Variants in CHST11 observed in about 807,000 individuals in gnomAD.
CHST11 encodes the protein carbohydrate sulfotransferase 11, also known as C4S-1.
Under a neutral mutation model 30.4 loss-of-function variants are expected in CHST11, and 9 were observed. The ratio of observed to expected loss-of-function variants is 0.30; its 90% CI spans 0.18 to 0.52. The LOEUF (loss-of-function observed/expected upper bound fraction) is 0.52. Among genes scored for constraint, CHST11 ranks in the 20% least tolerant of loss-of-function variants. The probability of loss-of-function intolerance (pLI) is 0.97; values close to 1 mark genes in which losing one functional copy is unlikely to be tolerated. For synonymous variants in CHST11, 152 were observed against 187.8 expected, an observed-to-expected ratio of 0.81 and a Z score of 1.56; for missense variants, 348 against 460.6, an observed-to-expected ratio of 0.76 and a Z score of 2.24.
At chr12:104,564,185 G>A (rs2038539648) in intron 1 of CHST11, among the ~76,000 whole-genome samples, 1 of 152,174 alleles carries the variant, frequency 6.6e-6, no homozygotes, top group Non-Finnish European at 1.5e-5. Flanking sequence ...TCTCCTCGGT[G>A]TGTCTTCATA....
At chr12:104,736,847 C>T (rs142680224) in intron 2 of CHST11, among the ~76,000 whole-genome samples, 1 of 152,142 alleles carries the variant, frequency 6.6e-6, no homozygotes, top group African/African-American at 2.4e-5. Context: ...TATAAACTGC[C>T]CTGAAAATCT....
At chr12:104,539,676 T>C (rs1397445047) in intron 1 of CHST11, among the ~76,000 whole-genome samples, 1 of 152,170 alleles carries the variant, frequency 6.6e-6, no homozygotes, top group East Asian at 1.9e-4. Context: ...GCATAATTCA[T>C]AGTAAAGCAT....
chr12:104,517,936 G>A (rs186550734), intron 1 of CHST11, among the ~76,000 whole-genome samples: 31 of 152,252 alleles, frequency 2.0e-4, no homozygotes, highest in Non-Finnish European at 3.1e-4. Context: ...ACTGAGGATC[G>A]TACTGGATAA....
chr12:104,535,618 G>A (rs1262044017), intron 1 of CHST11, among the ~76,000 whole-genome samples: 1 of 152,154 alleles, frequency 6.6e-6, no homozygotes, highest in Non-Finnish European at 1.5e-5. Context: ...CCATTGCCAG[G>A]GTGGCTCAGT....
intron 1 of CHST11, among the ~76,000 whole-genome samples, chr12:104,570,939 CCT>C (rs1383350177): frequency 2.6e-5 from 4 of 152,178 alleles, no homozygotes; most frequent in Non-Finnish European, 5.9e-5. Flanking sequence ...GATCCACCCA[CCT>C]TGGCCTCCCA....
intron 1 of CHST11, among the ~76,000 whole-genome samples, chr12:104,575,808 C>T (rs1377546666): frequency 6.6e-6 from 1 of 152,082 alleles, no homozygotes; most frequent in East Asian, 2.0e-4. Context: ...CCTGCCCTTT[C>T]CTACTTCGGC....
At chr12:104,615,927 CAAAAT>C (rs970496801) in intron 2 of CHST11, among the ~76,000 whole-genome samples, 1 of 151,954 alleles carries the variant, frequency 6.6e-6, no homozygotes, top group Non-Finnish European at 1.5e-5. Flanking sequence ...GACTCTGTCT[CAAAAT>C]AAAATAAAAT....
intron 1 of CHST11, among the ~76,000 whole-genome samples, chr12:104,576,520 G>T (rs1230818321): frequency 6.6e-6 from 1 of 152,174 alleles, no homozygotes; most frequent in Non-Finnish European, 1.5e-5. Flanking sequence ...CAAGGACTTG[G>T]TCAGGGGCCT....
At chr12:104,712,011 A>T (rs1328945772) in intron 2 of CHST11, among the ~76,000 whole-genome samples, 1 of 152,194 alleles carries the variant, frequency 6.6e-6, no homozygotes, top group Non-Finnish European at 1.5e-5. Context: ...GCTGAGTCTC[A>T]CTGGGAATGT....
intron 2 of CHST11, among the ~76,000 whole-genome samples, chr12:104,707,585 C>A (rs1302768092): frequency 1.3e-5 from 2 of 152,098 alleles, no homozygotes; most frequent in South Asian, 2.1e-4. Context: ...AGACTGTAAA[C>A]CTAGTCGCAT....
chr12:104,613,777 G>A (rs1042227388), intron 2 of CHST11, among the ~76,000 whole-genome samples: 1 of 152,204 alleles, frequency 6.6e-6, no homozygotes. Flanking sequence ...TACAGGGACA[G>A]TATGCTAAGT....
At chr12:104,544,138 A>AAAAGAAGAAAGAAAGAAAG (rs2038314696) in intron 1 of CHST11, among the ~76,000 whole-genome samples, 1 of 71,726 alleles carries the variant, frequency 1.4e-5, no homozygotes, top group African/African-American at 4.9e-5. Flanking sequence ...AAAAAAAAAA[A>AAAAGAAGAAAGAAAGAAAG]AAAGAAAGAA....
intron 2 of CHST11, among the ~76,000 whole-genome samples, chr12:104,739,523 T>G (rs964277489): frequency 6.6e-6 from 1 of 152,228 alleles, no homozygotes; most frequent in Non-Finnish European, 1.5e-5. Context: ...CCACAGCCAG[T>G]AAGTACTAGA....
chr12:104,502,298 C>T (rs1255933641), intron 1 of CHST11, among the ~76,000 whole-genome samples: 8 of 152,226 alleles, frequency 5.3e-5, no homozygotes, highest in South Asian at 2.1e-4. Context: ...TCTCCTGCCT[C>T]GGCCACCCAA....
intron 2 of CHST11, among the ~76,000 whole-genome samples, chr12:104,679,114 G>A (rs1386791083): frequency 6.6e-6 from 1 of 152,172 alleles, no homozygotes; most frequent in Non-Finnish European, 1.5e-5. Flanking sequence ...GAGGGTGGAT[G>A]TTCCTATCTT....
At chr12:104,717,864 C>T (rs979129672) in intron 2 of CHST11, among the ~76,000 whole-genome samples, 4 of 152,090 alleles carry the variant, frequency 2.6e-5, no homozygotes, top group African/African-American at 4.8e-5. Flanking sequence ...GCAGGAGAAT[C>T]GCTTGAACCC....
chr12:104,609,885 T>C (rs2039041409), intron 2 of CHST11, among the ~76,000 whole-genome samples: 1 of 152,158 alleles, frequency 6.6e-6, no homozygotes, highest in Non-Finnish European at 1.5e-5. Context: ...ATTTGGAATT[T>C]TGTTGAATAA....
intron 2 of CHST11, among the ~76,000 whole-genome samples, chr12:104,714,339 T>C (rs2040111907): frequency 6.6e-6 from 1 of 152,050 alleles, no homozygotes; most frequent in African/African-American, 2.4e-5. Context: ...GCCTGGGAGA[T>C]TGTGAAGTGG....
intron 2 of CHST11, among the ~76,000 whole-genome samples, chr12:104,693,376 TA>T (rs1390543840): frequency 6.6e-6 from 1 of 152,148 alleles, no homozygotes; most frequent in Non-Finnish European, 1.5e-5. Flanking sequence ...ATGCCATACC[TA>T]GGGTAGCAGT....
Sources: gnomAD v4.1 joint callset for allele counts (sites outside exome capture counted in the v4.1 genomes callset) on GRCh38, gnomAD v4.1.1 for gene constraint, MANE v1.5 for transcripts, NCBI Gene and HGNC (gene_info 2026-07-23, HGNC 2026-07-21) for gene names.